The following KTN1 variants were observed in gnomAD, a reference collection of about 807,000 sequenced individuals.
The protein encoded by KTN1 is kinectin.
KTN1 carries 130 observed loss-of-function variants against 222.5 expected under a neutral mutation model. The observed-to-expected ratio is 0.58, with a 90% CI of 0.51 to 0.68. KTN1 has a LOEUF of 0.68. KTN1 is among the 30% of genes least tolerant of loss of function. The pLI is 0.00. For synonymous variants in KTN1, 512 were observed against 496.3 expected, an observed-to-expected ratio of 1.03 and a Z score of -0.42; for missense variants, 1,508 against 1,500.4, an observed-to-expected ratio of 1.01 and a Z score of -0.08.
At chr14:55,650,915 T>C (rs192558424) in intron 24 of KTN1, among the ~76,000 whole-genome samples, 2 of 152,302 alleles carry the variant, frequency 1.3e-5, no homozygotes, top group Admixed American at 1.3e-4. Flanking sequence ...CGAAACAGTT[T>C]GGCAATTTTT....
chr14:55,637,043 G>A (rs1566765912), intron 10 of KTN1, among the ~76,000 whole-genome samples, 155 bp from the exon 11 acceptor site: 1 of 152,002 alleles, frequency 6.6e-6, no homozygotes, highest in African/African-American at 2.4e-5. Flanking sequence ...TTTCTCCCAT[G>A]AAACGCAAGT....
At chr14:55,644,131 G>T in intron 18 of KTN1, 1 of 367,062 alleles carries the variant, frequency 2.7e-6, no homozygotes, top group Non-Finnish European at 4.9e-6. Context: ...TTTCATCTTG[G>T]CAGACAAAGA....
At chr14:55,597,619 C>T (rs2035269195) in intron 1 of KTN1, among the ~76,000 whole-genome samples, 1 of 151,916 alleles carries the variant, frequency 6.6e-6, no homozygotes, top group South Asian at 2.1e-4. Flanking sequence ...TTTGGGAGGC[C>T]GAGGCGGGCA....
intron 1 of KTN1, among the ~76,000 whole-genome samples, chr14:55,596,765 T>A (rs2035103855): frequency 6.6e-6 from 1 of 152,178 alleles, no homozygotes; most frequent in Admixed American, 6.5e-5. Context: ...TTGCTTAGGT[T>A]TCCTATTATT....
chr14:55,636,460 A>G lies in KTN1; in HGVS notation c.1473A>G (p.Gln491=), dbSNP rs1330604411. 1 of 1,609,392 alleles carries G rather than the reference A, an allele frequency of 6.2e-7. No individual in the cohort carries two copies. The highest frequency in any genetic ancestry group is 1.1e-5 in the South Asian group (1 of 90,122). The change falls in exon 10 of 44, where the codon CAA becomes CAG. Residue 491 remains glutamine (Q), a synonymous_variant. Coordinates refer to ENST00000395314, the MANE Select transcript of KTN1 (RefSeq NM_001079521.2). ...TTTAAAATACCAAGGTTCAACTACAAGAAGCTGAGAGAAGGTGGGAAGAAG... is the reference window on the plus strand; with the variant it reads ...TTTAAAATACCAAGGTTCAACTACAGGAAGCTGAGAGAAGGTGGGAAGAAG... The part of the protein sequence containing the change: ...QAATQLKVQL[Q]EAERRWEEVQ...
chr14:55,634,605 C>G lies in KTN1; in HGVS notation c.1408C>G (p.Gln470Glu). 1 of 1,613,748 alleles carries G rather than the reference C, an allele frequency of 6.2e-7. No homozygotes were observed. Among genetic ancestry groups the G allele is most frequent in the Non-Finnish European group, 8.5e-7 (1 of 1,179,746 alleles). The change falls in exon 9 of 44, where the codon CAG (glutamine) becomes GAG (glutamate). Residue 470 changes from glutamine (Q) to glutamate (E), a missense_variant. Physicochemically the swap from Gln to Glu is conservative, Grantham distance 29. Transcript: ENST00000395314. ...NELTEKTGKL[Q>E]QEEVQKKNAE... ...GCTGACTGAGAAAACAGGAAAGCTA[C>G]AGCAAGAGGAAGTCCAAAAGAAGAA...
chr14:55,668,240 T>TA (rs1030050769), intron 34 of KTN1: 12 of 152,160 alleles, frequency 7.9e-5, no homozygotes. Context: ...AATAATAACT[T>TA]ACTGTAGTTT....
At chr14:55,677,857 C>G (rs1369101567) in intron 41 of KTN1, among the ~76,000 whole-genome samples, 1 of 152,184 alleles carries the variant, frequency 6.6e-6, no homozygotes, top group East Asian at 1.9e-4. Flanking sequence ...TGCCACCACA[C>G]CTGGCTAATT....
Position 55,659,643 on chromosome 14 carries a change from A to G in KTN1, c.2962-23A>G, listed in dbSNP as rs1214557889. On this transcript the variant is annotated intron_variant, in intron 30 of 43. Coordinates refer to ENST00000395314, the MANE Select transcript of KTN1 (RefSeq NM_001079521.2). ...GTCTCCTGAAAAGTTTTGTTCTGAAATAACATTTAACTCTTTTGATAGGCA... is the reference window on the plus strand; with the variant it reads ...GTCTCCTGAAAAGTTTTGTTCTGAAGTAACATTTAACTCTTTTGATAGGCA... 13 of 1,411,064 alleles carry G rather than the reference A, an allele frequency of 9.2e-6. No homozygotes were observed. In the Admixed American group the frequency reaches 1.2e-4, roughly 13 times the overall value. 87.4% of individuals were successfully genotyped at this position (1,411,064 alleles called of 1,614,324 possible).
At position 55,646,465 on chromosome 14, in the gene KTN1, C is replaced by T. The variant is rs1455237448; in HGVS notation, c.2173-508C>T. 1.5e-3 allele frequency among the ~76,000 whole-genome samples: 32 copies of T among 21,456 alleles called. 1 individual carries two copies. The highest frequency in any genetic ancestry group is 9.3e-3 in the South Asian group (5 of 536). The allele number at this position is 21,456 out of a possible 152,430, so 14.1% of individuals were successfully genotyped here. ...CCTTTTCCTTTTCCTTTTCCTTTTC[C>T]TTTCCTTTCCTTTCCTTTCCTTTCC... On this transcript the variant is annotated intron_variant, in intron 18 of 43. Coordinates refer to ENST00000395314, the MANE Select transcript of KTN1 (RefSeq NM_001079521.2).
intron 14 of KTN1, 78 bp downstream of exon 14, chr14:55,640,081 G>C: frequency 1.2e-6 from 1 of 866,244 alleles, no homozygotes; most frequent in Non-Finnish European, 1.9e-6. Context: ...TAATCAGTAA[G>C]TGTATATGAA....
intron 1 of KTN1, among the ~76,000 whole-genome samples, chr14:55,585,082 AG>A (rs1370522870): frequency 4.2e-5 from 6 of 143,046 alleles, no homozygotes; most frequent in African/African-American, 1.6e-4. Context: ...CAGTGAGCTG[AG>A]ATGGTGCGAC....
intron 29 of KTN1, among the ~76,000 whole-genome samples, chr14:55,657,979 A>G (rs1287802070): frequency 6.6e-6 from 1 of 151,448 alleles, no homozygotes; most frequent in Non-Finnish European, 1.5e-5. Flanking sequence ...TTGTTTGTTT[A>G]GCTTATTTAG....
intron 2 of KTN1, among the ~76,000 whole-genome samples, chr14:55,616,005 G>A (rs1461685938): frequency 6.6e-6 from 1 of 151,752 alleles, no homozygotes; most frequent in African/African-American, 2.4e-5. Flanking sequence ...TTCGACCTCC[G>A]GGGCTCAAGC....
Position 55,629,993 on chromosome 14 carries a change from A to G in KTN1, c.1117A>G (p.Ile373Val). 2 of 1,602,306 alleles carry G rather than the reference A, an allele frequency of 1.2e-6. No homozygotes were observed. Among genetic ancestry groups the G allele is most frequent in the Non-Finnish European group, 1.7e-6 (2 of 1,169,256 alleles). Residue 373 changes from isoleucine to valine, a missense_variant, in exon 7 of 44, where the codon ATA (isoleucine) becomes GTA (valine). Ile to Val is a conservative substitution (Grantham distance 29). Transcript: ENST00000395314. ...MTEKERSNVV[I>V]TRMKDRIGTL... ...AGAGAAAGAAAGAAGCAATGTGGTTATAACAAGGATGAAAGATCGAATTGG... is the reference window on the plus strand; with the variant it reads ...AGAGAAAGAAAGAAGCAATGTGGTTGTAACAAGGATGAAAGATCGAATTGG...
rs979775841 is a variant in KTN1 at position 55,653,711 on chromosome 14, G to A, written c.2801+115G>A. The A allele has an allele frequency of 9.7e-6, 7 of 724,142 alleles. No homozygotes were observed. In the African/African-American group the frequency reaches 1.3e-4, roughly 13 times the overall value. 44.9% of individuals were successfully genotyped at this position (724,142 alleles called of 1,614,324 possible). A position where few individuals can be genotyped will look rare whatever the true frequency, so the allele number is the denominator to read the frequency against. ...ACATCATTAACTTTATTGTTAAGTGGAAATTATAATTCCAGACGCAAATAG... is the reference window on the plus strand; with the variant it reads ...ACATCATTAACTTTATTGTTAAGTGAAAATTATAATTCCAGACGCAAATAG... On this transcript the variant is annotated intron_variant, in intron 28 of 43. Coordinates refer to ENST00000395314, the MANE Select transcript of KTN1 (RefSeq NM_001079521.2).
In KTN1 at chr14:55,630,092, A is replaced by T; in HGVS notation, c.1216A>T (p.Met406Leu). Residue 406 changes from methionine (M) to leucine (L), a missense_variant, in exon 7 of 44, where the codon ATG (methionine) becomes TTG (leucine). By Grantham distance (15) the Met-to-Leu change is conservative. Coordinates refer to ENST00000395314, the MANE Select transcript of KTN1 (RefSeq NM_001079521.2). ...VSYQETQQMQ[M>L]KFQQVREQME... is the part of the protein sequence containing the mutation. Reference sequence around the variant, plus strand: ...TTATCAAGAGACTCAACAGATGCAGATGAAGGTATATTTTCATTCTTTGGA... The same window carrying T: ...TTATCAAGAGACTCAACAGATGCAGTTGAAGGTATATTTTCATTCTTTGGA... 2 of 1,610,066 alleles carry T rather than the reference A, an allele frequency of 1.2e-6. No homozygotes were observed. Among genetic ancestry groups the T allele is most frequent in the Non-Finnish European group, 1.7e-6 (2 of 1,177,828 alleles).
chr14:55,583,995 G>A lies in KTN1; in HGVS notation c.-31+3641G>A, dbSNP rs185024380. Among the ~76,000 whole-genome samples the A allele has an allele frequency of 5.3e-5, 8 of 152,298 alleles. No homozygotes were observed. In the East Asian group the frequency reaches 1.4e-3, roughly 26 times the overall value. On this transcript the variant is annotated intron_variant, in intron 1 of 43. Coordinates refer to ENST00000395314, the MANE Select transcript of KTN1 (RefSeq NM_001079521.2). ...TCCACTGCTCACCAGCCTGGTGCAA[G>A]CCATTCTTATCTCTTACCTAGATTT...
At chr14:55,591,003 G>C (rs552018041) in intron 1 of KTN1, among the ~76,000 whole-genome samples, 2 of 152,096 alleles carry the variant, frequency 1.3e-5, no homozygotes, top group African/African-American at 4.8e-5. Context: ...GTTGTATGTA[G>C]CTCTAACTCA....
Sources: gnomAD v4.1 joint callset for allele counts (sites outside exome capture counted in the v4.1 genomes callset) on GRCh38, gnomAD v4.1.1 for gene constraint, MANE v1.5 for transcripts, NCBI Gene and HGNC (gene_info 2026-07-23, HGNC 2026-07-21) for gene names.